The following TCF7L2 variants were observed in gnomAD, a reference collection of about 807,000 sequenced individuals.
The protein encoded by TCF7L2 is transcription factor 7-like 2.
TCF7L2 carries 23 observed loss-of-function variants against 77.9 expected under a neutral mutation model. That is an observed-to-expected ratio of 0.30 (90% CI 0.21 to 0.42). The LOEUF (loss-of-function observed/expected upper bound fraction) is 0.42. Ranked by LOEUF, TCF7L2 falls within the 10% of genes least tolerant of loss-of-function variation. The probability of loss-of-function intolerance (pLI) is 1.00; values close to 1 mark genes in which losing one functional copy is unlikely to be tolerated. For missense variants in TCF7L2, 654 were observed against 793.1 expected, an observed-to-expected ratio of 0.82 and a Z score of 2.11; for synonymous variants, 413 against 340.2, an observed-to-expected ratio of 1.21 and a Z score of -2.36.
intron 4 of TCF7L2, among the ~76,000 whole-genome samples, chr10:113,009,873 C>T (rs745713369): frequency 3.9e-5 from 6 of 152,112 alleles, no homozygotes; most frequent in African/African-American, 9.7e-5. Flanking sequence ...CAGGCCTGTT[C>T]GGCAGCATGG....
At chr10:113,154,050 G>T (rs1372350849) in intron 11 of TCF7L2, among the ~76,000 whole-genome samples, 1 of 152,252 alleles carries the variant, frequency 6.6e-6, no homozygotes, top group Non-Finnish European at 1.5e-5. Flanking sequence ...GATGGCGCGT[G>T]TGCTCTGCTG....
intron 5 of TCF7L2, among the ~76,000 whole-genome samples, chr10:113,046,801 G>A (rs2053543887): frequency 6.6e-6 from 1 of 151,998 alleles, no homozygotes; most frequent in African/African-American, 2.4e-5. Context: ...TCACCACTCG[G>A]AGATTACATT....
At chr10:113,037,712 C>G (rs17685538) in intron 4 of TCF7L2, among the ~76,000 whole-genome samples, 11,109 of 152,248 alleles carry the variant, frequency 0.073, 600 homozygotes, top group Non-Finnish European at 0.11. Flanking sequence ...CCTAATTCTA[C>G]AGAGCTGGTA....
At chr10:112,999,592 T>A (rs745888204) in intron 4 of TCF7L2, among the ~76,000 whole-genome samples, 8 of 152,216 alleles carry the variant, frequency 5.3e-5, no homozygotes, top group Non-Finnish European at 4.4e-5. Flanking sequence ...GCTGGTTAGT[T>A]ATTCTCATGG....
chr10:113,027,819 G>A lies in TCF7L2; in HGVS notation c.451-12206G>A, dbSNP rs574609321. On this transcript the variant is annotated intron_variant, in intron 4 of 13. Transcript: ENST00000627217. ...TCAACCCAGCCCCACATGTCATGCC[G>A]TCCCCAGGAGGTAGCCCTGCAGCCC... is the stretch of plus-strand genomic sequence containing the variant. 2.6e-4 allele frequency among the ~76,000 whole-genome samples: 39 copies of A among 151,692 alleles called. No individual in the cohort carries two copies. In the South Asian group the frequency reaches 6.5e-3, roughly 25 times the overall value.
chr10:113,084,724 G>A (rs2059647624), intron 5 of TCF7L2, among the ~76,000 whole-genome samples: 1 of 151,816 alleles, frequency 6.6e-6, no homozygotes, highest in Non-Finnish European at 1.5e-5. Flanking sequence ...GTGAAACCCG[G>A]TCTCTACCAA....
intron 4 of TCF7L2, among the ~76,000 whole-genome samples, chr10:113,021,107 A>T (rs2048202313): frequency 6.6e-6 from 1 of 152,134 alleles, no homozygotes; most frequent in South Asian, 2.1e-4. Context: ...GCTTAAAGAG[A>T]ACCATTCATG....
intron 4 of TCF7L2, among the ~76,000 whole-genome samples, chr10:112,998,205 C>T (rs909054701): frequency 1.3e-5 from 2 of 151,592 alleles, no homozygotes; most frequent in Non-Finnish European, 2.9e-5. Context: ...TCCCAAAGTG[C>T]TGGGATTATA....
Position 112,950,733 on chromosome 10 carries a change from TTGC to T in TCF7L2, c.-18_-16del. 1 of 1,531,374 alleles carries T rather than the reference TTGC, an allele frequency of 6.5e-7. No individual in the cohort carries two copies. The highest frequency in any genetic ancestry group is 8.8e-7 in the Non-Finnish European group (1 of 1,142,346). The allele number at this position is 1,531,374 out of a possible 1,614,324, so 94.9% of individuals were successfully genotyped here. ...TTCCTCCTTCATTTTTCTTCCAAAA[TTGC>T]TGCTGGTGGGTGAAAAAAAAATGCC... On this transcript the variant is annotated 5_prime_UTR_variant, in exon 1 of 14. Coordinates refer to ENST00000627217, the MANE Select transcript of TCF7L2 (RefSeq NM_001146274.2).
intron 4 of TCF7L2, among the ~76,000 whole-genome samples, chr10:112,988,386 A>G (rs1180665336): frequency 6.6e-6 from 1 of 152,188 alleles, no homozygotes; most frequent in Non-Finnish European, 1.5e-5. Flanking sequence ...GGCGTGAGCC[A>G]CTGCACCTGG....
At chr10:113,041,184 T>C (rs962007429) in intron 5 of TCF7L2, among the ~76,000 whole-genome samples, 8 of 152,264 alleles carry the variant, frequency 5.3e-5, no homozygotes, top group African/African-American at 1.9e-4. Flanking sequence ...TGTGTGTTTA[T>C]ATCACAAAAT....
chr10:113,090,059 T>C (rs2060215623), intron 5 of TCF7L2, among the ~76,000 whole-genome samples: 3 of 152,228 alleles, frequency 2.0e-5, no homozygotes, highest in Admixed American at 2.0e-4. Context: ...TACTCGCAGA[T>C]GTTGCTCTCC....
At chr10:113,136,875 G>A (rs760164209) in intron 5 of TCF7L2, among the ~76,000 whole-genome samples, 12 of 152,128 alleles carry the variant, frequency 7.9e-5, no homozygotes, top group African/African-American at 2.2e-4. Context: ...TAAAGACCTC[G>A]TTAGAGAAGT....
chr10:112,972,151 T>C (rs1589839618), intron 4 of TCF7L2, among the ~76,000 whole-genome samples: 1 of 152,174 alleles, frequency 6.6e-6, no homozygotes, highest in South Asian at 2.1e-4. Flanking sequence ...TTATTGGCTG[T>C]CCCAGTCATT....
At chr10:113,057,757 G>T (rs1048788689) in intron 5 of TCF7L2, among the ~76,000 whole-genome samples, 7 of 152,192 alleles carry the variant, frequency 4.6e-5, no homozygotes, top group Admixed American at 1.3e-4. Context: ...AGGGAAGGGA[G>T]GTGGCTTTTC....
At position 113,018,757 on chromosome 10, in the gene TCF7L2, T is replaced by C. The variant is rs1019282011; in HGVS notation, c.451-21268T>C. ...TGCTGGGATTACAGGCGTGAGCCAC[T>C]GCACCTGGCCTCTCTCCTGAGTCCT... is the stretch of plus-strand genomic sequence containing the variant. On this transcript the variant is annotated intron_variant, in intron 4 of 13. Coordinates refer to ENST00000627217, the MANE Select transcript of TCF7L2 (RefSeq NM_001146274.2). 6.6e-5 allele frequency among the ~76,000 whole-genome samples: 10 copies of C among 152,258 alleles called. No individual in the cohort carries two copies. In the East Asian group the frequency reaches 1.4e-3, roughly 21 times the overall value.
intron 5 of TCF7L2, among the ~76,000 whole-genome samples, chr10:113,078,406 T>C (rs554113189): frequency 6.6e-6 from 1 of 152,322 alleles, no homozygotes; most frequent in East Asian, 1.9e-4. Flanking sequence ...GTTACTCTTT[T>C]TATTTTATTT....
Position 112,951,118 on chromosome 10 carries a change from CT to C in TCF7L2, c.190-88del, listed in dbSNP as rs1394205418. 332 of 1,253,678 alleles carry C rather than the reference CT, an allele frequency of 2.6e-4. 1 individual carries two copies. The highest frequency in any genetic ancestry group is 2.2e-3 in the African/African-American group (140 of 63,440). 77.7% of individuals were successfully genotyped at this position (1,253,678 alleles called of 1,614,324 possible). On this transcript the variant is annotated intron_variant, in intron 1 of 13. Coordinates refer to ENST00000627217, the MANE Select transcript of TCF7L2 (RefSeq NM_001146274.2). The stretch of plus-strand genomic sequence containing the variant: ...TAACCCTGTTTTTTTCTACCCCCCC[CT>C]CGACCTCGCCGATTCTTTTTCTCCC...
intron 4 of TCF7L2, among the ~76,000 whole-genome samples, chr10:113,017,440 C>T (rs1296362762): frequency 2.0e-5 from 3 of 152,358 alleles, no homozygotes; most frequent in African/African-American, 7.2e-5. Flanking sequence ...GGACTTTTCA[C>T]CTGCCCATGC....
Sources: allele counts gnomAD v4.1 joint callset (sites outside exome capture counted in the v4.1 genomes callset), GRCh38; gene constraint gnomAD v4.1.1; transcripts MANE v1.5; gene names NCBI Gene and HGNC (gene_info 2026-07-23, HGNC 2026-07-21).